The following MARCHF1 variants were observed in gnomAD, a reference collection of about 807,000 sequenced individuals.
The protein encoded by MARCHF1 is E3 ubiquitin-protein ligase MARCHF1.
A neutral mutation model predicts 54.2 loss-of-function variants in MARCHF1; 40 were observed. The observed-to-expected ratio is 0.74, with a 90% CI of 0.57 to 0.96. MARCHF1 has a LOEUF of 0.96. MARCHF1 is among the 40% of genes least tolerant of loss of function. The pLI, the probability that MARCHF1 is intolerant of heterozygous loss-of-function variation, is 0.00. For synonymous variants in MARCHF1, 236 were observed against 236.3 expected, an observed-to-expected ratio of 1.00 and a Z score of 0.01; for missense variants, 586 against 656.5, an observed-to-expected ratio of 0.89 and a Z score of 1.17.
chr4:164,289,519 G>C lies in MARCHF1; in HGVS notation c.-323+94351C>G, dbSNP rs528279402. Among the ~76,000 whole-genome samples the C allele has an allele frequency of 3.4e-5, 5 of 148,852 alleles. No individual in the cohort carries two copies. In the South Asian group the frequency reaches 8.6e-4, roughly 26 times the overall value. ...ATTTTATTGATGCAGCCACTTTTCT[G>C]TGAATTAAAGGAGGTGAGTTGTCAC... On this transcript the variant is annotated intron_variant, in intron 1 of 9. Coordinates refer to ENST00000514618, the MANE Select transcript of MARCHF1 (RefSeq NM_001394959.1).
At chr4:164,112,898 T>C (rs1434446205) in intron 1 of MARCHF1, among the ~76,000 whole-genome samples, 1 of 147,778 alleles carries the variant, frequency 6.8e-6, no homozygotes, top group African/African-American at 2.6e-5. Flanking sequence ...ACTTTCGCTG[T>C]TTTTTAATAA....
At chr4:164,352,104 G>A (rs1730359590) in intron 1 of MARCHF1, among the ~76,000 whole-genome samples, 1 of 126,862 alleles carries the variant, frequency 7.9e-6, no homozygotes, top group Admixed American at 7.7e-5. Context: ...AGAAATATGG[G>A]ACTATGTGAA....
In MARCHF1 at chr4:163,860,593, G is replaced by A. The variant is rs540716499; in HGVS notation, c.-38-6424C>T. 9.2e-5 allele frequency among the ~76,000 whole-genome samples: 14 copies of A among 152,250 alleles called. No homozygotes were observed. The East Asian group carries it at 2.1e-3, about 23-fold the overall frequency. ...AGAAAAACTTGTGAAGGCCACAGCC[G>A]AGAAATACAGGCTCACTAAAAGACT... On this transcript the variant is annotated intron_variant, in intron 3 of 9. Coordinates refer to ENST00000514618, the MANE Select transcript of MARCHF1 (RefSeq NM_001394959.1).
At chr4:164,068,591 C>A (rs113920569) in intron 2 of MARCHF1, among the ~76,000 whole-genome samples, 1 of 152,164 alleles carries the variant, frequency 6.6e-6, no homozygotes, top group East Asian at 1.9e-4. Flanking sequence ...TGCCTCCCTG[C>A]GGGGCAGCAC....
intron 5 of MARCHF1, among the ~76,000 whole-genome samples, chr4:163,628,940 A>T (rs564139367): frequency 6.6e-6 from 1 of 152,230 alleles, no homozygotes; most frequent in African/African-American, 2.4e-5. Flanking sequence ...GCTCATGGGT[A>T]GGAAGAATCA....
intron 7 of MARCHF1, among the ~76,000 whole-genome samples, chr4:163,609,964 A>G (rs1741278317): frequency 6.6e-6 from 1 of 152,030 alleles, no homozygotes; most frequent in Non-Finnish European, 1.5e-5. Flanking sequence ...ATGTATGCAA[A>G]CTTTCCAACC....
chr4:164,223,671 T>A (rs981532088), intron 1 of MARCHF1, among the ~76,000 whole-genome samples: 3 of 151,904 alleles, frequency 2.0e-5, no homozygotes, highest in African/African-American at 7.3e-5. Flanking sequence ...CCAGTGATTT[T>A]CATGCCCATC....
intron 4 of MARCHF1, among the ~76,000 whole-genome samples, chr4:163,731,267 T>C (rs1048023639): frequency 2.6e-5 from 4 of 152,186 alleles, no homozygotes; most frequent in Non-Finnish European, 5.9e-5. Context: ...CAACATTGCA[T>C]GGTCAGCATT....
intron 4 of MARCHF1, among the ~76,000 whole-genome samples, chr4:163,813,116 T>G (rs868060766): frequency 7.2e-5 from 11 of 152,344 alleles, no homozygotes; most frequent in African/African-American, 2.6e-4. Context: ...ATTTGAGTCT[T>G]GAACACTGTG....
intron 1 of MARCHF1, among the ~76,000 whole-genome samples, chr4:164,345,361 G>A (rs955624505): frequency 2.0e-5 from 3 of 152,060 alleles, no homozygotes; most frequent in Middle Eastern, 3.2e-3. Context: ...GAGTCCAGCA[G>A]TTCAAGACCA....
intron 3 of MARCHF1, among the ~76,000 whole-genome samples, chr4:163,972,849 G>A (rs28480539): frequency 0.04 from 6,122 of 151,890 alleles, 338 homozygotes; most frequent in East Asian, 0.14. Context: ...GAGCCACCGC[G>A]CCCGGCCTTA....
chr4:163,645,418 G>T (rs992317840), intron 5 of MARCHF1, among the ~76,000 whole-genome samples: 6 of 152,196 alleles, frequency 3.9e-5, no homozygotes, highest in South Asian at 4.1e-4. Context: ...AGAGGGTCTT[G>T]TTCCTTCAAA....
chr4:164,190,239 CTG>C, intron 1 of MARCHF1: 3 of 1,301,880 alleles, frequency 2.3e-6, no homozygotes, highest in Non-Finnish European at 3.3e-6. Context: ...CAAGAAGGAA[CTG>C]GAAGAAATTG....
intron 1 of MARCHF1, among the ~76,000 whole-genome samples, chr4:164,298,617 G>C (rs1734472447): frequency 6.6e-6 from 1 of 151,936 alleles, no homozygotes; most frequent in Non-Finnish European, 1.5e-5. Context: ...GGGCCTTTCA[G>C]ATTTGTTTTC....
intron 4 of MARCHF1, among the ~76,000 whole-genome samples, chr4:163,716,534 T>A (rs1255586624): frequency 6.6e-6 from 1 of 152,216 alleles, no homozygotes; most frequent in Non-Finnish European, 1.5e-5. Flanking sequence ...TATAGAGAAT[T>A]AATAATGTTA....
At chr4:164,345,463 T>C (rs1484319434) in intron 1 of MARCHF1, among the ~76,000 whole-genome samples, 1 of 151,794 alleles carries the variant, frequency 6.6e-6, no homozygotes, top group Non-Finnish European at 1.5e-5. Context: ...TCCCAGCTAC[T>C]TGGGAGGCTA....
At chr4:163,975,192 T>A (rs62348093) in intron 3 of MARCHF1, among the ~76,000 whole-genome samples, 10,237 of 103,922 alleles carry the variant, frequency 0.099, 675 homozygotes, top group East Asian at 0.26. Context: ...TCTCTCTCTC[T>A]CTCTCACACA....
At chr4:164,166,971 T>A (rs11724651) in intron 1 of MARCHF1, among the ~76,000 whole-genome samples, 27,108 of 151,190 alleles carry the variant, frequency 0.18, 3,060 homozygotes, top group Non-Finnish European at 0.26. Flanking sequence ...AATTTTTAAA[T>A]TTTATAAATC....
At chr4:164,084,682 T>C (rs1177417756) in intron 2 of MARCHF1, among the ~76,000 whole-genome samples, 1 of 151,392 alleles carries the variant, frequency 6.6e-6, no homozygotes, top group East Asian at 1.9e-4. Flanking sequence ...ATCATAAATT[T>C]GCAGACTTCC....
Sources: allele counts gnomAD v4.1 joint callset (sites outside exome capture counted in the v4.1 genomes callset), GRCh38; gene constraint gnomAD v4.1.1; transcripts MANE v1.5; gene names NCBI Gene and HGNC (gene_info 2026-07-23, HGNC 2026-07-21).